LYPD6: variants seen among roughly 807,000 people sequenced by gnomAD.
LYPD6 encodes ly6/PLAUR domain-containing protein 6.
In LYPD6, 15 loss-of-function variants were observed where a neutral mutation model predicts 22.7. The observed-to-expected ratio is 0.66, with a 90% CI of 0.44 to 1.02. LYPD6 has a LOEUF of 1.02. Ranked by LOEUF, LYPD6 falls within the 50% of genes least tolerant of loss-of-function variation. The pLI is 0.00. For missense variants in LYPD6, 189 were observed against 208.4 expected, an observed-to-expected ratio of 0.91 and a Z score of 0.57; for synonymous variants, 72 against 77.5, an observed-to-expected ratio of 0.93 and a Z score of 0.37.
intron 1 of LYPD6, among the ~76,000 whole-genome samples, chr2:149,360,170 A>G (rs1559123967): frequency 6.6e-6 from 1 of 152,176 alleles, no homozygotes; most frequent in South Asian, 2.1e-4. Context: ...CTAATACATT[A>G]TAATTAGTGT....
At chr2:149,333,718 G>A (rs531314326) in intron 1 of LYPD6, among the ~76,000 whole-genome samples, 11 of 152,258 alleles carry the variant, frequency 7.2e-5, no homozygotes, top group Middle Eastern at 3.4e-3. Context: ...ATGACACAAT[G>A]CATTTAAAAT....
At chr2:149,456,784 G>A (rs181444935) in intron 3 of LYPD6, among the ~76,000 whole-genome samples, 11 of 152,208 alleles carry the variant, frequency 7.2e-5, no homozygotes, top group Middle Eastern at 3.4e-3. Context: ...GCATTCATTC[G>A]GTGGTTTTTT....
At chr2:149,394,700 AATTAT>A (rs1423664580) in intron 1 of LYPD6, among the ~76,000 whole-genome samples, 32 of 152,206 alleles carry the variant, frequency 2.1e-4, no homozygotes, top group African/African-American at 4.6e-4. Flanking sequence ...GATTTTCACA[AATTAT>A]ATTATATATT....
intron 1 of LYPD6, among the ~76,000 whole-genome samples, chr2:149,424,932 A>G (rs1311359825): frequency 6.6e-6 from 1 of 152,106 alleles, no homozygotes; most frequent in Non-Finnish European, 1.5e-5. Flanking sequence ...ATTGGGCCCT[A>G]GTTGCCAGTC....
downstream of LYPD6, among the ~76,000 whole-genome samples, chr2:149,478,040 C>T (rs933086535): frequency 1.4e-4 from 21 of 152,230 alleles, no homozygotes; most frequent in Non-Finnish European, 1.0e-4. Flanking sequence ...TCATCTTTGA[C>T]GGTTGTAGCC....
At position 149,373,676 on chromosome 2, in the gene LYPD6, T is replaced by C. The variant is rs569335749; in HGVS notation, c.-72+42954T>C. Among the ~76,000 whole-genome samples, 32 of 152,246 alleles carry C rather than the reference T, an allele frequency of 2.1e-4. No homozygotes were observed. The South Asian group carries it at 3.9e-3, about 19-fold the overall frequency. ...CTTGGATTTCATAGCATGGAGGCCA[T>C]TGGTCATCTCAGCAAGATTGGCTTA... On this transcript the variant is annotated intron_variant, in intron 1 of 4. Transcript: ENST00000334166.
chr2:149,349,180 T>A (rs1489713561), intron 1 of LYPD6, among the ~76,000 whole-genome samples: 1 of 152,116 alleles, frequency 6.6e-6, no homozygotes, highest in Admixed American at 6.5e-5. Flanking sequence ...GGGAGACATC[T>A]GGGCTGAAGA....
chr2:149,421,421 T>G (rs1212328749), intron 1 of LYPD6, among the ~76,000 whole-genome samples: 2 of 151,770 alleles, frequency 1.3e-5, no homozygotes, highest in East Asian at 1.9e-4. Flanking sequence ...AGTGTGTTTT[T>G]ATTTCTTGAT....
intron 3 of LYPD6, among the ~76,000 whole-genome samples, chr2:149,453,315 G>A (rs948067906): frequency 6.6e-6 from 1 of 152,168 alleles, no homozygotes; most frequent in African/African-American, 2.4e-5. Flanking sequence ...AGATCCTAGA[G>A]AGAGGGACTG....
intron 1 of LYPD6, among the ~76,000 whole-genome samples, chr2:149,394,412 G>T (rs1181487567): frequency 6.6e-6 from 1 of 152,044 alleles, no homozygotes; most frequent in Non-Finnish European, 1.5e-5. Flanking sequence ...ACTCTCCACC[G>T]TATTTAACAC....
At chr2:149,462,382 T>G (rs1257673136) in intron 3 of LYPD6, among the ~76,000 whole-genome samples, 4 of 151,934 alleles carry the variant, frequency 2.6e-5, no homozygotes, top group Non-Finnish European at 4.4e-5. Context: ...ATAGGACTTG[T>G]AAGCTGAAAA....
Position 149,471,826 on chromosome 2 carries a change from A to G in LYPD6, c.*976A>G, listed in dbSNP as rs966666232. 10 of 152,656 alleles carry G rather than the reference A, an allele frequency of 6.6e-5. No individual in the cohort carries two copies. The highest frequency in any genetic ancestry group is 1.5e-4 in the Non-Finnish European group (10 of 68,036). The allele number at this position is 152,656 out of a possible 1,614,324, so 9.5% of individuals were successfully genotyped here. A position where few individuals can be genotyped will look rare whatever the true frequency, so the allele number is the denominator to read the frequency against. On this transcript the variant is annotated 3_prime_UTR_variant, in exon 5 of 5. Transcript: ENST00000334166. Reference sequence around the variant, plus strand: ...GCTTCTTACTCCATCTGCAGTTCATACTGCCAAAGAGCTCCCACTTCCAAA... The same window carrying G: ...GCTTCTTACTCCATCTGCAGTTCATGCTGCCAAAGAGCTCCCACTTCCAAA...
intron 2 of LYPD6, among the ~76,000 whole-genome samples, chr2:149,447,308 C>G (rs1683710787): frequency 6.6e-6 from 1 of 152,168 alleles, no homozygotes; most frequent in African/African-American, 2.4e-5. Context: ...GACCCCTCCT[C>G]ACCTGAGCAT....
intron 1 of LYPD6, among the ~76,000 whole-genome samples, chr2:149,342,923 A>G (rs182494450): frequency 6.6e-6 from 1 of 152,160 alleles, no homozygotes; most frequent in African/African-American, 2.4e-5. Context: ...GTACAAAAAA[A>G]TTTTTCTCAC....
At chr2:149,449,176 C>T (rs747195794) in intron 3 of LYPD6, 29 bp downstream of exon 3, 39 of 1,539,548 alleles carry the variant, frequency 2.5e-5, no homozygotes, top group Non-Finnish European at 3.2e-5. Flanking sequence ...GATTGGGGTC[C>T]CCTGGGCTGT....
intron 1 of LYPD6, among the ~76,000 whole-genome samples, chr2:149,426,276 C>T (rs2105138221): frequency 6.6e-6 from 1 of 152,266 alleles, no homozygotes; most frequent in East Asian, 1.9e-4. Context: ...CAAATGGAAA[C>T]AACTCTCACG....
chr2:149,398,549 T>C (rs1682479436), intron 1 of LYPD6, among the ~76,000 whole-genome samples: 1 of 152,030 alleles, frequency 6.6e-6, no homozygotes, highest in Non-Finnish European at 1.5e-5. Context: ...TACTTTCCTG[T>C]TACTGAGGAG....
Position 149,437,762 on chromosome 2 carries a change from T to C in LYPD6, c.54T>C (p.Asp18=). 1 of 1,614,184 alleles carries C rather than the reference T, an allele frequency of 6.2e-7. No homozygotes were observed. The highest frequency in any genetic ancestry group is 8.5e-7 in the Non-Finnish European group (1 of 1,180,016). Residue 18 remains aspartate, a synonymous_variant, in exon 2 of 5, where the codon GAT becomes GAC. Coordinates refer to ENST00000334166, the MANE Select transcript of LYPD6 (RefSeq NM_194317.5). ...TCCTGCTCCTGAGCCTGCTGGCGGA[T>C]TGTCTGAAAGCTGCTCAGTCCCGAG... is the stretch of plus-strand genomic sequence containing the variant. ...AWLLLLSLLA[D]CLKAAQSRDF...
At chr2:149,460,490 C>T (rs1482718966) in intron 3 of LYPD6, among the ~76,000 whole-genome samples, 1 of 151,884 alleles carries the variant, frequency 6.6e-6, no homozygotes, top group East Asian at 1.9e-4. Context: ...ATATGTGCAA[C>T]AGAATAATAT....
Sources: allele counts gnomAD v4.1 joint callset (sites outside exome capture counted in the v4.1 genomes callset), GRCh38; gene constraint gnomAD v4.1.1; transcripts MANE v1.5; gene names NCBI Gene and HGNC (gene_info 2026-07-23, HGNC 2026-07-21).